The following BMPR1B variants were observed in gnomAD, a reference collection of about 807,000 sequenced individuals.
BMPR1B encodes bone morphogenetic protein receptor type-1B.
In BMPR1B, 12 loss-of-function variants were observed where a neutral mutation model predicts 59.1. That is an observed-to-expected ratio of 0.20 (90% CI 0.13 to 0.33). The LOEUF (loss-of-function observed/expected upper bound fraction) is 0.33. Ranked by LOEUF, BMPR1B falls within the 10% of genes least tolerant of loss-of-function variation. BMPR1B has a pLI of 1.00. For synonymous variants in BMPR1B, 237 were observed against 207.3 expected (o/e 1.14, Z -1.23); for missense variants, 550 against 610.9 (o/e 0.90, Z 1.05).
At chr4:94,946,983 C>T (rs1189160619) in intron 2 of BMPR1B, among the ~76,000 whole-genome samples, 3 of 151,952 alleles carry the variant, frequency 2.0e-5, no homozygotes, top group Non-Finnish European at 4.4e-5. Context: ...ACCGGGGAGG[C>T]AGAGGTTGCA....
At chr4:94,983,243 CT>C (rs897357200) in intron 2 of BMPR1B, among the ~76,000 whole-genome samples, 2 of 151,928 alleles carry the variant, frequency 1.3e-5, no homozygotes, top group Non-Finnish European at 2.9e-5. Context: ...TTTATTATTG[CT>C]TTTTTTCCCT....
intron 1 of BMPR1B, among the ~76,000 whole-genome samples, chr4:94,779,676 C>T (rs1722516991): frequency 6.6e-6 from 1 of 151,936 alleles, no homozygotes; most frequent in Non-Finnish European, 1.5e-5. Context: ...ACTAAAAATA[C>T]AAGAAATTAG....
chr4:95,150,825 G>A (rs1734986318), intron 11 of BMPR1B, among the ~76,000 whole-genome samples: 1 of 152,128 alleles, frequency 6.6e-6, no homozygotes, highest in African/African-American at 2.4e-5. Flanking sequence ...AATGGACTTG[G>A]GCAAGTTACT....
At chr4:95,042,002 G>T (rs761376352) in intron 3 of BMPR1B, among the ~76,000 whole-genome samples, 1 of 152,020 alleles carries the variant, frequency 6.6e-6, no homozygotes, top group Non-Finnish European at 1.5e-5. Context: ...GACCATAGGC[G>T]CCAGCCACCA....
chr4:95,089,065 A>ATTT (rs368522128), intron 3 of BMPR1B, among the ~76,000 whole-genome samples: 2 of 152,290 alleles, frequency 1.3e-5, no homozygotes, highest in African/African-American at 4.8e-5. Flanking sequence ...TTGCCCCCAT[A>ATTT]TTAGTATTAT....
intron 3 of BMPR1B, among the ~76,000 whole-genome samples, chr4:95,097,796 A>G (rs890698117): frequency 6.6e-6 from 1 of 152,250 alleles, no homozygotes; most frequent in South Asian, 2.1e-4. Context: ...TCAACCTCCT[A>G]AAGTGCTGGG....
At chr4:94,935,974 A>AC (rs940357979) in intron 2 of BMPR1B, among the ~76,000 whole-genome samples, 1 of 151,700 alleles carries the variant, frequency 6.6e-6, no homozygotes, top group African/African-American at 2.4e-5. Flanking sequence ...CCTTGGATTA[A>AC]TTTTTTTTCC....
chr4:95,001,859 C>T (rs28523646), intron 3 of BMPR1B, among the ~76,000 whole-genome samples: 31,705 of 152,066 alleles, frequency 0.21, 3,479 homozygotes, highest in Non-Finnish European at 0.23. Flanking sequence ...TATTTCTATT[C>T]CCACCACTCC....
intron 2 of BMPR1B, among the ~76,000 whole-genome samples, chr4:94,962,119 CCTT>C (rs1250415641): frequency 9.4e-5 from 12 of 127,890 alleles, no homozygotes; most frequent in Non-Finnish European, 6.2e-5. Context: ...TTCCTTCCTT[CCTT>C]CTTTCCTTCC....
At chr4:95,068,100 A>G (rs1425928539) in intron 3 of BMPR1B, among the ~76,000 whole-genome samples, 11 of 152,182 alleles carry the variant, frequency 7.2e-5, no homozygotes, top group Admixed American at 4.6e-4. Context: ...TGAGCAGCTA[A>G]GTTGAGATTT....
intron 1 of BMPR1B, among the ~76,000 whole-genome samples, chr4:94,813,541 A>T (rs1388500539): frequency 2.0e-5 from 3 of 152,154 alleles, no homozygotes; most frequent in Non-Finnish European, 4.4e-5. Context: ...AGGGAGATGG[A>T]GGGCCTATCA....
chr4:94,940,949 T>C (rs1395160871), intron 2 of BMPR1B, among the ~76,000 whole-genome samples: 3 of 152,194 alleles, frequency 2.0e-5, no homozygotes, highest in Non-Finnish European at 2.9e-5. Context: ...ATTATAAGGT[T>C]GAAGGACATT....
intron 2 of BMPR1B, among the ~76,000 whole-genome samples, chr4:94,988,189 T>C (rs10011534): frequency 0.022 from 3,273 of 152,136 alleles, 104 homozygotes; most frequent in African/African-American, 0.074. Flanking sequence ...ACTTTTGATA[T>C]TGTCCTTCAT....
chr4:95,138,920 A>T (rs1017815447), intron 10 of BMPR1B, among the ~76,000 whole-genome samples: 3 of 152,218 alleles, frequency 2.0e-5, no homozygotes, highest in East Asian at 3.9e-4. Context: ...TCAACTCGTC[A>T]AAGTCATTCT....
chr4:94,870,294 A>G (rs533833636), intron 1 of BMPR1B, among the ~76,000 whole-genome samples: 1 of 150,258 alleles, frequency 6.7e-6, no homozygotes, highest in Non-Finnish European at 1.5e-5. Context: ...TCGTAGTCAT[A>G]CACTAGCTCT....
intron 6 of BMPR1B, among the ~76,000 whole-genome samples, chr4:95,119,201 C>CT (rs1054922548): frequency 2.0e-5 from 3 of 152,134 alleles, no homozygotes; most frequent in Non-Finnish European, 4.4e-5. Flanking sequence ...CTCCTAAAAT[C>CT]TAAAATTTTT....
intron 2 of BMPR1B, among the ~76,000 whole-genome samples, chr4:94,943,107 T>A (rs2149045798): frequency 6.6e-6 from 1 of 152,168 alleles, no homozygotes; most frequent in Non-Finnish European, 1.5e-5. Context: ...AAGAGATGGC[T>A]CTGGAAATCA....
chr4:95,087,888 AG>A (rs754325442), intron 3 of BMPR1B, among the ~76,000 whole-genome samples: 1 of 152,352 alleles, frequency 6.6e-6, no homozygotes, highest in South Asian at 2.1e-4. Context: ...CAGTGCCAGT[AG>A]TACCATAAAT....
chr4:94,916,961 T>G (rs916046112), intron 2 of BMPR1B, among the ~76,000 whole-genome samples: 1 of 152,202 alleles, frequency 6.6e-6, no homozygotes, highest in Non-Finnish European at 1.5e-5. Context: ...CTGGCTGATC[T>G]GGCAGCCATG....
Sources: allele counts gnomAD v4.1 joint callset (sites outside exome capture counted in the v4.1 genomes callset), GRCh38; gene constraint gnomAD v4.1.1; transcripts MANE v1.5; gene names NCBI Gene and HGNC (gene_info 2026-07-23, HGNC 2026-07-21).